RP1: variants seen among roughly 807,000 people sequenced by gnomAD.
The protein encoded by RP1 is oxygen-regulated protein 1.
In RP1, 16 loss-of-function variants were observed where a neutral mutation model predicts 14.8. The observed-to-expected ratio is 1.08, with a 90% CI of 0.73 to 1.65. RP1 has a LOEUF of 1.65. Among genes scored for constraint, RP1 ranks in the 40% most tolerant of loss-of-function variants. The pLI is 0.00. For missense variants in RP1, 2,631 were observed against 2,535.0 expected (o/e 1.04, Z -0.81); for synonymous variants, 876 against 883.6 (o/e 0.99, Z 0.15).
At chr8:54,865,924 C>T (rs1346200748) in intron 28 of RP1, 12 of 1,191,506 alleles carry the variant, frequency 1.0e-5, no homozygotes, top group Non-Finnish European at 1.3e-5. Flanking sequence ...CAGGTATGCT[C>T]TTAATGCATT....
In RP1 at chr8:54,629,561, C is replaced by G. The variant is rs1379072393; in HGVS notation, c.5679C>G (p.Gly1893=). 3 of 1,613,994 alleles carry G rather than the reference C, an allele frequency of 1.9e-6. No individual in the cohort carries two copies. Among genetic ancestry groups the G allele is most frequent in the Non-Finnish European group, 2.5e-6 (3 of 1,179,998 alleles). The change falls in exon 4 of 4, where the codon GGC becomes GGG. Residue 1893 remains glycine, a synonymous_variant. Coordinates refer to ENST00000220676, the MANE Select transcript of RP1 (RefSeq NM_006269.2). ...DDAIKNQPLP[G]SNMIHGTLQE... ...CTATTAAAAACCAACCATTGCCTGG[C>G]AGTAATATGATTCATGGTACACTTC...
At chr8:54,793,963 T>C (rs1810524535) in intron 24 of RP1, among the ~76,000 whole-genome samples, 1 of 151,912 alleles carries the variant, frequency 6.6e-6, no homozygotes, top group Non-Finnish European at 1.5e-5. Flanking sequence ...ACAAACTCAG[T>C]AAAGTTGCAA....
intron 5 of RP1, chr8:54,656,014 A>G: frequency 4.1e-6 from 5 of 1,206,312 alleles, no homozygotes; most frequent in Non-Finnish European, 5.6e-6. Flanking sequence ...GCAGTCTTGA[A>G]CAAAAACTTA....
At chr8:54,788,818 C>A (rs79861367) in intron 24 of RP1, among the ~76,000 whole-genome samples, 1 of 152,142 alleles carries the variant, frequency 6.6e-6, no homozygotes, top group Non-Finnish European at 1.5e-5. Flanking sequence ...TTCAGTACTC[C>A]TCACAGGAAG....
At chr8:54,811,537 G>A (rs906286338) in intron 24 of RP1, among the ~76,000 whole-genome samples, 2 of 152,170 alleles carry the variant, frequency 1.3e-5, no homozygotes, top group African/African-American at 4.8e-5. Context: ...TTTCTGAGCT[G>A]TATGCTCTGG....
chr8:54,699,012 A>G (rs1042481315), intron 12 of RP1, among the ~76,000 whole-genome samples: 1 of 152,182 alleles, frequency 6.6e-6, no homozygotes, highest in Non-Finnish European at 1.5e-5. Flanking sequence ...CGTTGTGCAC[A>G]TGTACCCCAG....
At chr8:54,604,075 T>C (rs999187455) in intron 1 of RP1, among the ~76,000 whole-genome samples, 34 of 152,324 alleles carry the variant, frequency 2.2e-4, no homozygotes, top group African/African-American at 8.2e-4. Flanking sequence ...CAACACTATG[T>C]TGAATAGGAG....
chr8:54,559,627 G>A (rs566626472), intron 1 of RP1, among the ~76,000 whole-genome samples: 2 of 152,264 alleles, frequency 1.3e-5, no homozygotes, highest in South Asian at 2.1e-4. Flanking sequence ...ATATCCTCAC[G>A]GCCTGTACAC....
At chr8:54,715,212 T>C (rs983039353) in intron 15 of RP1, among the ~76,000 whole-genome samples, 1 of 152,234 alleles carries the variant, frequency 6.6e-6, no homozygotes, top group African/African-American at 2.4e-5. Flanking sequence ...TTATGGTAGC[T>C]TGCAGTGGTG....
At chr8:54,614,061 A>G (rs556365132), upstream of RP1, among the ~76,000 whole-genome samples, 5 of 152,378 alleles carry the variant, frequency 3.3e-5, no homozygotes, top group South Asian at 1.0e-3. Context: ...CTTAACCCTC[A>G]CCAATGAGCC....
chr8:54,756,343 G>C (rs1222269315), intron 21 of RP1, among the ~76,000 whole-genome samples: 1 of 152,088 alleles, frequency 6.6e-6, no homozygotes, highest in African/African-American at 2.4e-5. Flanking sequence ...TACTATTTGA[G>C]GGCCTGAAAT....
chr8:54,805,070 A>G (rs1810814874), intron 24 of RP1, among the ~76,000 whole-genome samples: 1 of 152,216 alleles, frequency 6.6e-6, no homozygotes, highest in Non-Finnish European at 1.5e-5. Flanking sequence ...GAAGTCACTG[A>G]CAAAGGAGAG....
intron 8 of RP1, among the ~76,000 whole-genome samples, chr8:54,677,237 T>G (rs1396187571): frequency 6.6e-6 from 1 of 152,002 alleles, no homozygotes; most frequent in East Asian, 1.9e-4. Flanking sequence ...CTGCCTGTGC[T>G]GAGTCTACTG....
chr8:54,598,284 T>C (rs1418442866), intron 1 of RP1, among the ~76,000 whole-genome samples: 2 of 152,200 alleles, frequency 1.3e-5, no homozygotes, highest in Non-Finnish European at 2.9e-5. Context: ...ATATTGTTTG[T>C]AAGCATATCT....
Position 54,625,959 on chromosome 8 carries a change from A to C in RP1, c.2077A>C (p.Lys693Gln). Reference sequence around the variant, plus strand: ...GTATCAAGATGGACAGCTTGCAACCAAAGGAATTCTTAATAAGAATGAGAG... The same window carrying C: ...GTATCAAGATGGACAGCTTGCAACCCAAGGAATTCTTAATAAGAATGAGAG... ...SRYQDGQLAT[K>Q]GILNKNERIN... Residue 693 changes from lysine to glutamine, a missense_variant, in exon 4 of 4, where the codon AAA (lysine) becomes CAA (glutamine). Transcript: ENST00000220676. The C allele has an allele frequency of 1.5e-5, 25 of 1,613,982 alleles. No homozygotes were observed. Among genetic ancestry groups the C allele is most frequent in the Non-Finnish European group, 2.1e-5 (25 of 1,179,928 alleles).
chr8:54,852,719 G>A (rs1812084315), exon 26 of RP1: 1 of 1,232,006 alleles, frequency 8.1e-7, no homozygotes. Context: ...TCAAGTTTCA[G>A]CGTGGACAGG....
chr8:54,859,364 A>C lies in RP1; in HGVS notation c.4069+2258A>C, dbSNP rs1812286453. Among the ~76,000 whole-genome samples the C allele has an allele frequency of 2.4e-4, 35 of 146,006 alleles. 1 individual carries two copies. ...GGGTGGTGTCCCTGTGGAGTGTGTCACTGTGGAGCATTGTCACTATGGAGT... is the reference window on the plus strand; with the variant it reads ...GGGTGGTGTCCCTGTGGAGTGTGTCCCTGTGGAGCATTGTCACTATGGAGT... On this transcript the variant is annotated intron_variant, in intron 27 of 28. Coordinates refer to the RP1 transcript ENST00000637698.
upstream of RP1, among the ~76,000 whole-genome samples, chr8:54,611,232 G>C (rs1009154361): frequency 1.3e-5 from 2 of 152,160 alleles, no homozygotes; most frequent in Admixed American, 1.3e-4. Flanking sequence ...GTAGATTCAT[G>C]TATTTCATCC....
At chr8:54,677,389 A>T (rs1807315999) in intron 8 of RP1, among the ~76,000 whole-genome samples, 1 of 152,100 alleles carries the variant, frequency 6.6e-6, no homozygotes, top group African/African-American at 2.4e-5. Context: ...GTGATGAGGG[A>T]TGAAGCTGAA....
Sources: allele counts gnomAD v4.1 joint callset (sites outside exome capture counted in the v4.1 genomes callset), GRCh38; gene constraint gnomAD v4.1.1; transcripts MANE v1.5; gene names NCBI Gene and HGNC (gene_info 2026-07-23, HGNC 2026-07-21).